HS3ST4: variants seen among roughly 807,000 people sequenced by gnomAD.
The protein encoded by HS3ST4 is heparan sulfate glucosamine 3-O-sulfotransferase 4.
In HS3ST4, 17 loss-of-function variants were observed where a neutral mutation model predicts 29.2. The ratio of observed to expected loss-of-function variants is 0.58; its 90% confidence interval spans 0.40 to 0.87. The LOEUF (loss-of-function observed/expected upper bound fraction) is 0.87, where lower values mean the gene tolerates loss of function less well. HS3ST4 is among the 40% of genes least tolerant of loss of function. The pLI is 0.00. For synonymous variants in HS3ST4, 314 were observed against 285.7 expected (o/e 1.10, Z -1.00); for missense variants, 627 against 634.5 (o/e 0.99, Z 0.13).
At chr16:25,713,671 G>C (rs1048568717) in intron 1 of HS3ST4, among the ~76,000 whole-genome samples, 1 of 152,328 alleles carries the variant, frequency 6.6e-6, no homozygotes. Context: ...TAAACATCCA[G>C]GTTGGCCATT....
intron 1 of HS3ST4, among the ~76,000 whole-genome samples, chr16:25,915,879 T>C (rs1968288657): frequency 6.6e-6 from 1 of 152,140 alleles, no homozygotes; most frequent in Non-Finnish European, 1.5e-5. Context: ...AAGACTCAGT[T>C]CCATGATCTG....
intron 1 of HS3ST4, among the ~76,000 whole-genome samples, chr16:25,789,284 C>G (rs529010817): frequency 6.6e-6 from 1 of 152,018 alleles, no homozygotes; most frequent in East Asian, 1.9e-4. Flanking sequence ...TCCTCTTCTT[C>G]CTCCATCTCC....
chr16:25,941,810 T>C (rs1968575038), intron 1 of HS3ST4, among the ~76,000 whole-genome samples: 1 of 151,234 alleles, frequency 6.6e-6, no homozygotes, highest in Non-Finnish European at 1.5e-5. Context: ...TCTTCTGACC[T>C]TGTGATCCTC....
intron 1 of HS3ST4, among the ~76,000 whole-genome samples, chr16:25,863,738 T>G (rs1967661904): frequency 6.6e-6 from 1 of 152,236 alleles, no homozygotes; most frequent in Non-Finnish European, 1.5e-5. Context: ...AACATTTATT[T>G]CCTTTAATGT....
intron 1 of HS3ST4, among the ~76,000 whole-genome samples, chr16:25,769,119 A>C (rs191906779): frequency 6.6e-6 from 1 of 152,294 alleles, no homozygotes; most frequent in Non-Finnish European, 1.5e-5. Flanking sequence ...TGGCAGCAAG[A>C]ATCAGAGTTC....
chr16:25,867,591 C>G (rs1967709538), intron 1 of HS3ST4, among the ~76,000 whole-genome samples: 1 of 151,956 alleles, frequency 6.6e-6, no homozygotes, highest in Admixed American at 6.6e-5. Context: ...CGCACACACA[C>G]ATGCACACAC....
intron 1 of HS3ST4, among the ~76,000 whole-genome samples, chr16:25,793,338 G>T (rs1415180708): frequency 1.3e-5 from 2 of 151,728 alleles, no homozygotes; most frequent in African/African-American, 4.8e-5. Flanking sequence ...TGGATATTTT[G>T]CTCTGCTTGT....
intron 1 of HS3ST4, among the ~76,000 whole-genome samples, chr16:26,077,186 G>A (rs1455871620): frequency 6.6e-6 from 1 of 152,214 alleles, no homozygotes; most frequent in African/African-American, 2.4e-5. Context: ...TGGTCCTGGG[G>A]TTCCAAGATG....
chr16:25,793,373 GGA>G (rs903430124), intron 1 of HS3ST4, among the ~76,000 whole-genome samples: 1 of 151,730 alleles, frequency 6.6e-6, no homozygotes, highest in African/African-American at 2.4e-5. Context: ...TGAGTTACTG[GGA>G]GAGTTTGTTA....
intron 1 of HS3ST4, among the ~76,000 whole-genome samples, chr16:25,758,504 T>C (rs1966770640): frequency 1.3e-5 from 2 of 152,174 alleles, no homozygotes; most frequent in Admixed American, 1.3e-4. Context: ...GTCTGGGGCC[T>C]CAAGGATGCC....
intron 1 of HS3ST4, among the ~76,000 whole-genome samples, chr16:26,054,793 G>T (rs913811573): frequency 6.6e-6 from 1 of 151,988 alleles, no homozygotes; most frequent in African/African-American, 2.4e-5. Flanking sequence ...GGGAGCCATC[G>T]CAAGGTAACA....
intron 1 of HS3ST4, among the ~76,000 whole-genome samples, chr16:25,838,136 G>C: frequency 6.6e-6 from 1 of 152,196 alleles, no homozygotes; most frequent in East Asian, 1.9e-4. Flanking sequence ...TTTCCCAGAT[G>C]CTAAACAGGA....
At chr16:25,695,232 G>A (rs1966286146) in intron 1 of HS3ST4, among the ~76,000 whole-genome samples, 1 of 152,124 alleles carries the variant, frequency 6.6e-6, no homozygotes, top group South Asian at 2.1e-4. Context: ...GATTCCCCTG[G>A]TCCTCACTTA....
At chr16:25,900,533 A>G (rs138049520) in intron 1 of HS3ST4, among the ~76,000 whole-genome samples, 8 of 152,316 alleles carry the variant, frequency 5.3e-5, no homozygotes, top group African/African-American at 1.7e-4. Flanking sequence ...TAAGGGAGAC[A>G]GTCAGGGTGT....
intron 1 of HS3ST4, among the ~76,000 whole-genome samples, chr16:26,130,915 T>C (rs1341534267): frequency 6.6e-6 from 1 of 152,220 alleles, no homozygotes; most frequent in African/African-American, 2.4e-5. Context: ...CCTGGGTATG[T>C]AGGACATATC....
chr16:26,003,423 G>A (rs1969229687), intron 1 of HS3ST4, among the ~76,000 whole-genome samples: 1 of 152,152 alleles, frequency 6.6e-6, no homozygotes, highest in Non-Finnish European at 1.5e-5. Context: ...AGGGATGGTT[G>A]GATCCTGGTA....
chr16:25,910,892 C>T (rs1221320527), intron 1 of HS3ST4, among the ~76,000 whole-genome samples: 5 of 152,124 alleles, frequency 3.3e-5, no homozygotes, highest in African/African-American at 1.2e-4. Context: ...GATAAGGCTT[C>T]ATTCTATCCC....
At chr16:26,030,022 T>C (rs950340014) in intron 1 of HS3ST4, among the ~76,000 whole-genome samples, 6 of 152,248 alleles carry the variant, frequency 3.9e-5, no homozygotes, top group Non-Finnish European at 5.9e-5. Context: ...GAGCAAGACC[T>C]GTCCAACTTG....
chr16:25,884,032 G>T (rs1397650660), intron 1 of HS3ST4, among the ~76,000 whole-genome samples: 5 of 152,042 alleles, frequency 3.3e-5, no homozygotes, highest in African/African-American at 1.2e-4. Flanking sequence ...AGAATTGCTT[G>T]AAGTGGGGAG....
Sources: allele counts gnomAD v4.1 joint callset (sites outside exome capture counted in the v4.1 genomes callset), GRCh38; gene constraint gnomAD v4.1.1; transcripts MANE v1.5; gene names NCBI Gene and HGNC (gene_info 2026-07-23, HGNC 2026-07-21).